The following UST variants were observed in gnomAD, a reference collection of about 807,000 sequenced individuals.
The protein encoded by UST is uronyl 2-sulfotransferase, also known as chondroitin sulfate 2-O-sulfotransferase.
A neutral mutation model predicts 45.6 loss-of-function variants in UST; 21 were observed. The observed-to-expected ratio is 0.46, with a 90% CI of 0.33 to 0.66. The LOEUF is 0.66. UST is among the 30% of genes least tolerant of loss of function. UST has a pLI of 0.02. For missense variants in UST, 463 were observed against 512.4 expected, an observed-to-expected ratio of 0.90 and a Z score of 0.93; for synonymous variants, 215 against 200.6, an observed-to-expected ratio of 1.07 and a Z score of -0.61.
At chr6:148,887,136 G>A (rs1778927626) in intron 2 of UST, 107 bp downstream of exon 2, 2 of 856,782 alleles carry the variant, frequency 2.3e-6, no homozygotes, top group South Asian at 3.0e-5. Flanking sequence ...ACAAGAAACA[G>A]TAGATGACAT....
rs1156827926 is a variant in UST, at chr6:148,896,942, C to T, written c.291+9913C>T. 2.0e-5 allele frequency among the ~76,000 whole-genome samples: 3 copies of T among 152,186 alleles called. No individual in the cohort carries two copies. The East Asian group carries it at 5.8e-4, about 29-fold the overall frequency. ...ATTTCTAAAAGAGGATAGTAATGCC[C>T]ACCTCTTAGGATTGTGAGGCTGAAG... On this transcript the variant is annotated intron_variant, in intron 2 of 7. Transcript: ENST00000367463.
intron 2 of UST, among the ~76,000 whole-genome samples, chr6:148,893,379 C>A (rs923020027): frequency 6.6e-6 from 1 of 152,174 alleles, no homozygotes; most frequent in Non-Finnish European, 1.5e-5. Flanking sequence ...CCTACCTACA[C>A]CCCCAGAAGC....
chr6:149,048,127 A>ATT (rs35382476), intron 7 of UST, among the ~76,000 whole-genome samples: 2,660 of 150,262 alleles, frequency 0.018, 71 homozygotes, highest in African/African-American at 0.06. Flanking sequence ...TAAAGAGTTC[A>ATT]TTTTTTTTTT....
chr6:148,917,093 G>A (rs1779604841), intron 2 of UST, among the ~76,000 whole-genome samples: 3 of 152,218 alleles, frequency 2.0e-5, no homozygotes, highest in Admixed American at 2.0e-4. Context: ...TCCTAGGCAG[G>A]GCTTGGAGGC....
chr6:148,980,746 T>A (rs1781115388), intron 5 of UST, among the ~76,000 whole-genome samples: 1 of 152,136 alleles, frequency 6.6e-6, no homozygotes, highest in Non-Finnish European at 1.5e-5. Context: ...TGAGACAGGA[T>A]CTTCCTCTGT....
rs529184192 is a variant in UST at position 148,865,299 on chromosome 6, G to A, written c.248-21687G>A. Among the ~76,000 whole-genome samples, 12 of 152,306 alleles carry A rather than the reference G, an allele frequency of 7.9e-5. 1 individual carries two copies. The South Asian group carries it at 2.5e-3, about 32-fold the overall frequency. On this transcript the variant is annotated intron_variant, in intron 1 of 7. Transcript: ENST00000367463. ...AAATGGTCTCTGGAGTGGAGTAACA[G>A]CAGGGCTTACTTTTGAAATTGTCTT...
At chr6:148,773,027 T>C (rs1776462073) in intron 1 of UST, among the ~76,000 whole-genome samples, 1 of 152,204 alleles carries the variant, frequency 6.6e-6, no homozygotes, top group Admixed American at 6.5e-5. Flanking sequence ...GGGTACGTGA[T>C]CTCACAAAAT....
At position 148,934,573 on chromosome 6, in the gene UST, A is replaced by T. The variant is rs891024759; in HGVS notation, c.292-6706A>T. 1.3e-5 allele frequency among the ~76,000 whole-genome samples: 2 copies of T among 152,130 alleles called. No individual in the cohort carries two copies. Among genetic ancestry groups the T allele is most frequent in the Non-Finnish European group, 2.9e-5 (2 of 68,012 alleles). On this transcript the variant is annotated intron_variant, in intron 2 of 7. Transcript: ENST00000367463. The surrounding 1 kb of genome is among the most constrained non-coding windows in gnomAD (Gnocchi z 4.1). Reference sequence around the variant, plus strand: ...TGTGAGTGGAGCTCATCAACACACAATGAGACCCCAGGAAGACACAACAGT... The same window carrying T: ...TGTGAGTGGAGCTCATCAACACACATTGAGACCCCAGGAAGACACAACAGT...
intron 1 of UST, among the ~76,000 whole-genome samples, chr6:148,879,481 G>A (rs1268267240): frequency 6.6e-6 from 1 of 152,206 alleles, no homozygotes; most frequent in African/African-American, 2.4e-5. Flanking sequence ...AGAATTATGT[G>A]AGGAACTTTA....
intron 1 of UST, among the ~76,000 whole-genome samples, chr6:148,839,067 G>A (rs1777844196): frequency 6.6e-6 from 1 of 152,182 alleles, no homozygotes; most frequent in Non-Finnish European, 1.5e-5. Flanking sequence ...ACTTTAATGT[G>A]CAGAGTAATC....
At position 148,797,443 on chromosome 6, in the gene UST, C is replaced by T. The variant is rs117923907; in HGVS notation, c.247+49766C>T. The stretch of plus-strand genomic sequence containing the variant: ...ACATTGTAAAAACAAAGAACTGTGT[C>T]AAAAAACATTCCTAATATGTTATTG... On this transcript the variant is annotated intron_variant, in intron 1 of 7. Transcript: ENST00000367463. Among the ~76,000 whole-genome samples, 1,487 of 152,242 alleles carry T rather than the reference C, an allele frequency of 9.8e-3. 16 individuals carry two copies. Among genetic ancestry groups the T allele is most frequent in the Non-Finnish European group, 0.017 (1,124 of 68,000 alleles).
chr6:148,868,170 G>A (rs1368180393), intron 1 of UST, among the ~76,000 whole-genome samples: 1 of 152,048 alleles, frequency 6.6e-6, no homozygotes, highest in Non-Finnish European at 1.5e-5. Context: ...CCATGATAAT[G>A]ACTTTATTTT....
At chr6:148,908,076 T>G (rs953444229) in intron 2 of UST, among the ~76,000 whole-genome samples, 3 of 151,976 alleles carry the variant, frequency 2.0e-5, no homozygotes, top group Non-Finnish European at 4.4e-5. Context: ...GCCCAGCTAA[T>G]TTTTGTATTT....
intron 1 of UST, among the ~76,000 whole-genome samples, chr6:148,809,814 T>C (rs1246183498): frequency 1.3e-5 from 2 of 152,242 alleles, no homozygotes; most frequent in Non-Finnish European, 2.9e-5. Context: ...AGTTCACATG[T>C]ACTGCCTTGT....
chr6:148,944,887 T>C (rs1349087338), intron 3 of UST, among the ~76,000 whole-genome samples: 3 of 147,566 alleles, frequency 2.0e-5, no homozygotes, highest in Non-Finnish European at 3.0e-5. Flanking sequence ...CTTTGAAAAA[T>C]AGGGAATTTT....
At chr6:149,064,205 C>A (rs1346648029) in intron 7 of UST, among the ~76,000 whole-genome samples, 1 of 152,156 alleles carries the variant, frequency 6.6e-6, no homozygotes, top group Non-Finnish European at 1.5e-5. Context: ...GCAGGCATCT[C>A]CCTTAGACTG....
chr6:148,805,532 A>G (rs1479013445), intron 1 of UST, among the ~76,000 whole-genome samples: 1 of 152,210 alleles, frequency 6.6e-6, no homozygotes, highest in Non-Finnish European at 1.5e-5. Flanking sequence ...AGTATCGTAA[A>G]AGGTCATTTG....
chr6:148,785,029 T>C (rs1776710028), intron 1 of UST, among the ~76,000 whole-genome samples: 1 of 152,140 alleles, frequency 6.6e-6, no homozygotes. Flanking sequence ...GGCAACACAG[T>C]GAAACCCTGT....
intron 7 of UST, among the ~76,000 whole-genome samples, chr6:149,066,604 C>T (rs780925500): frequency 6.6e-6 from 1 of 151,870 alleles, no homozygotes; most frequent in East Asian, 1.9e-4. Flanking sequence ...CATGTTTAGA[C>T]GGGGGATTTA....
Sources: allele counts gnomAD v4.1 joint callset (sites outside exome capture counted in the v4.1 genomes callset), GRCh38; gene constraint gnomAD v4.1.1; non-coding constraint Gnocchi (gnomAD v3.1); transcripts MANE v1.5; gene names NCBI Gene and HGNC (gene_info 2026-07-23, HGNC 2026-07-21).